SLC26A5: variants seen among roughly 807,000 people sequenced by gnomAD.
SLC26A5 encodes the protein prestin.
A neutral mutation model predicts 81.0 loss-of-function variants in SLC26A5; 51 were observed. The ratio of observed to expected loss-of-function variants is 0.63; its 90% CI spans 0.50 to 0.80. The LOEUF (loss-of-function observed/expected upper bound fraction) is 0.80. SLC26A5 is among the 30% of genes least tolerant of loss of function. SLC26A5 has a pLI of 0.00. For synonymous variants in SLC26A5, 325 were observed against 332.8 expected, an observed-to-expected ratio of 0.98 and a Z score of 0.25; for missense variants, 771 against 905.8, an observed-to-expected ratio of 0.85 and a Z score of 1.91.
Position 103,389,329 on chromosome 7 carries a change from C to T in SLC26A5, c.1407G>A (p.Leu469=). The T allele has an allele frequency of 6.2e-7, 1 of 1,603,982 alleles. No homozygotes were observed. Among genetic ancestry groups the T allele is most frequent in the Non-Finnish European group, 8.5e-7 (1 of 1,170,774 alleles). ...CAGAGCCATCACCTTTGTTACTTAC[C>T]AGCTCTATTTTGCTGGTTCTCCAGA... is the stretch of plus-strand genomic sequence containing the variant. ...PFFWRTSKIE[L]TIWLTTFVSS... Residue 469 remains leucine (L), a splice_region_variant and synonymous_variant, in exon 13 of 20, where the codon CTG becomes CTA. Transcript: ENST00000306312.
chr7:103,379,591 T>A (rs759781233), intron 15 of SLC26A5, among the ~76,000 whole-genome samples: 1 of 152,150 alleles, frequency 6.6e-6, no homozygotes, highest in African/African-American at 2.4e-5. Flanking sequence ...CATCTTTCCA[T>A]TTGTTTTAAA....
intron 4 of SLC26A5, among the ~76,000 whole-genome samples, chr7:103,417,341 G>A (rs1824992153): frequency 7.0e-6 from 1 of 143,852 alleles, no homozygotes; most frequent in Admixed American, 7.2e-5. Flanking sequence ...CTGCACTCCA[G>A]CTTGCCAATA....
intron 17 of SLC26A5, 35 bp downstream of exon 17, chr7:103,378,411 A>T (rs780877591): frequency 3.2e-6 from 5 of 1,585,562 alleles, no homozygotes; most frequent in East Asian, 2.2e-5. Flanking sequence ...GCAGAACAAG[A>T]CAGAACGGAT....
intron 14 of SLC26A5, among the ~76,000 whole-genome samples, chr7:103,383,664 GTTTT>G (rs1821960080): frequency 6.6e-6 from 1 of 152,022 alleles, no homozygotes; most frequent in African/African-American, 2.4e-5. Context: ...ATTTATTTTT[GTTTT>G]ATTATTTACT....
intron 1 of SLC26A5, chr7:103,445,136 T>C (rs1180535662): frequency 6.6e-6 from 1 of 152,212 alleles, no homozygotes; most frequent in Non-Finnish European, 1.5e-5. Context: ...CCATGAATGT[T>C]GTTTAAATTC....
chr7:103,432,651 C>G (rs1236438172), intron 2 of SLC26A5, among the ~76,000 whole-genome samples: 1 of 151,920 alleles, frequency 6.6e-6, no homozygotes, highest in Admixed American at 6.6e-5. Context: ...TGATCTTGTT[C>G]ATCTATTTCC....
intron 9 of SLC26A5, among the ~76,000 whole-genome samples, chr7:103,395,521 A>ATATATATATATAT (rs371680455): frequency 1.8e-4 from 3 of 16,896 alleles, no homozygotes; most frequent in Non-Finnish European, 4.0e-4. Flanking sequence ...ATATATATAT[A>ATATATATATATAT]AATTTTTTTT....
chr7:103,376,208 T>C (rs1821343612), intron 19 of SLC26A5, among the ~76,000 whole-genome samples: 1 of 152,000 alleles, frequency 6.6e-6, no homozygotes, highest in Admixed American at 6.6e-5. Context: ...CCCGAGTAGC[T>C]GGGATTACAG....
chr7:103,369,254 A>G (rs1417445403), downstream of SLC26A5: 4 of 152,190 alleles, frequency 2.6e-5, no homozygotes, highest in Non-Finnish European at 5.9e-5. Flanking sequence ...ATCTTTTTTA[A>G]CCCTGCCCTA....
downstream of SLC26A5, among the ~76,000 whole-genome samples, chr7:103,369,993 A>G (rs1820938812): frequency 6.6e-6 from 1 of 152,202 alleles, no homozygotes; most frequent in Non-Finnish European, 1.5e-5. Flanking sequence ...GATAAAATCT[A>G]AGTCACTAAG....
chr7:103,429,705 T>C (rs1423877205), intron 2 of SLC26A5, among the ~76,000 whole-genome samples: 1 of 152,226 alleles, frequency 6.6e-6, no homozygotes, highest in Admixed American at 6.5e-5. Context: ...CTAAGACCTA[T>C]GCAAGCTGGT....
At chr7:103,370,250 A>G (rs867349380), downstream of SLC26A5, among the ~76,000 whole-genome samples, 2 of 152,194 alleles carry the variant, frequency 1.3e-5, no homozygotes, top group South Asian at 4.1e-4. Flanking sequence ...TCAGTAAAGC[A>G]TACAGGCTCA....
At chr7:103,382,747 T>C (rs1821902395) in intron 14 of SLC26A5, among the ~76,000 whole-genome samples, 4 of 152,072 alleles carry the variant, frequency 2.6e-5, no homozygotes, top group African/African-American at 4.8e-5. Context: ...TATTATATCC[T>C]TTGAACAATG....
intron 4 of SLC26A5, among the ~76,000 whole-genome samples, chr7:103,420,255 G>A (rs986162527): frequency 1.4e-5 from 2 of 139,282 alleles, no homozygotes; most frequent in African/African-American, 5.2e-5. Flanking sequence ...CTGCAAAGTA[G>A]TAACACCATT....
intron 7 of SLC26A5, among the ~76,000 whole-genome samples, chr7:103,409,831 C>T (rs1165271528): frequency 6.6e-6 from 1 of 152,010 alleles, no homozygotes; most frequent in East Asian, 1.9e-4. Flanking sequence ...TCTCAGCCTC[C>T]TGAGTAGCTG....
At chr7:103,375,759 T>C (rs1821310926) in intron 19 of SLC26A5, among the ~76,000 whole-genome samples, 1 of 149,706 alleles carries the variant, frequency 6.7e-6, no homozygotes, top group Non-Finnish European at 1.5e-5. Flanking sequence ...CTTTTTTTTT[T>C]TCCTTTTCTT....
chr7:103,439,916 A>T (rs1246225805), intron 2 of SLC26A5, among the ~76,000 whole-genome samples: 1 of 151,886 alleles, frequency 6.6e-6, no homozygotes, highest in African/African-American at 2.4e-5. Flanking sequence ...TCCCAGATAG[A>T]CTCGTAACTT....
Position 103,367,851 on chromosome 7 carries a change from T to A in SLC26A5, c.2041+8957A>T. ...TGCTTATATTTGCTGGTCTGTCTGC[T>A]CAGGCTGCTTTAATTAAGCCCGTTT... On this transcript the variant is annotated intron_variant, in intron 19 of 19. Transcript: ENST00000339444. This position sits in a 1 kb window ranked among gnomAD's most constrained non-coding sequence, Gnocchi z 6.1. 6.2e-7 allele frequency: 1 copy of A among 1,612,928 alleles called. No homozygotes were observed. The highest frequency in any genetic ancestry group is 8.5e-7 in the Non-Finnish European group (1 of 1,179,486).
At position 103,411,631 on chromosome 7, in the gene SLC26A5, T is replaced by C. The variant is rs370598077; in HGVS notation, c.404-45A>G. 4,608 of 1,610,542 alleles carry C rather than the reference T, an allele frequency of 2.9e-3. 14 individuals carry two copies. Among genetic ancestry groups the C allele is most frequent in the Non-Finnish European group, 3.5e-3 (4,113 of 1,177,052 alleles). On this transcript the variant is annotated intron_variant, in intron 5 of 19. Coordinates refer to ENST00000306312, the MANE Select transcript of SLC26A5 (RefSeq NM_198999.3). ...AGATCCCTGTTCAGGGTTCAGAGTA[T>C]CTGATATGGTTTTTGCCAGTACACC...
Sources: gnomAD v4.1 joint callset for allele counts (sites outside exome capture counted in the v4.1 genomes callset) on GRCh38, gnomAD v4.1.1 for gene constraint, Gnocchi (gnomAD v3.1) non-coding constraint, MANE v1.5 for transcripts, NCBI Gene and HGNC (gene_info 2026-07-23, HGNC 2026-07-21) for gene names.